Variants in PLB1 observed in about 807,000 individuals in gnomAD.
PLB1 encodes the protein phospholipase B1, membrane-associated.
PLB1 carries 242 observed loss-of-function variants against 227.4 expected under a neutral mutation model. That is an observed-to-expected ratio of 1.06 (90% CI 0.96 to 1.18). The LOEUF (loss-of-function observed/expected upper bound fraction) is 1.18. PLB1 is among the 50% of genes most tolerant of loss of function. PLB1 has a pLI of 0.00. For missense variants in PLB1, 1,858 were observed against 1,816.3 expected (o/e 1.02, Z -0.42); for synonymous variants, 757 against 682.2 (o/e 1.11, Z -1.71).
At chr2:28,585,953 C>T in intron 26 of PLB1, 111 bp downstream of exon 26, 1 of 962,928 alleles carries the variant, frequency 1.0e-6, no homozygotes, top group Non-Finnish European at 1.6e-6. Context: ...GGGGGATGAC[C>T]ACTGACTAGT....
intron 18 of PLB1, 130 bp downstream of exon 18, chr2:28,563,229 C>T: frequency 1.1e-6 from 1 of 886,190 alleles, no homozygotes; most frequent in Non-Finnish European, 1.8e-6. Context: ...GTCCTGATCT[C>T]CATCTCTCCA....
chr2:28,541,818 G>T lies in PLB1; in HGVS notation c.879+7G>T, dbSNP rs764211423. 8.1e-6 allele frequency: 13 copies of T among 1,603,634 alleles called. No homozygotes were observed. In the South Asian group the frequency reaches 1.4e-4, roughly 18 times the overall value. On this transcript the variant is annotated splice_region_variant and intron_variant, in intron 13 of 57. Transcript: ENST00000327757. Reference sequence around the variant, plus strand: ...CACCCCATCTCTACACTCGGTAAGTGGGGGCTGCATGGCGTATCAAGAGTG... The same window carrying T: ...CACCCCATCTCTACACTCGGTAAGTTGGGGCTGCATGGCGTATCAAGAGTG...
At chr2:28,614,575 A>G (rs1685928880) in intron 44 of PLB1, among the ~76,000 whole-genome samples, 1 of 152,174 alleles carries the variant, frequency 6.6e-6, no homozygotes, top group Non-Finnish European at 1.5e-5. Context: ...GAGGATTCAG[A>G]GCCCATGGTT....
chr2:28,590,062 A>G lies in PLB1; in HGVS notation c.2074A>G (p.Thr692Ala), dbSNP rs758931509. The change falls in exon 29 of 58, where the codon ACA becomes GCA. Residue 692 changes from threonine (T) to alanine (A), a missense_variant. Coordinates refer to ENST00000327757, the MANE Select transcript of PLB1 (RefSeq NM_153021.5). ...TAAGTTTGAAAACAAGATCAATATC[A>G]CATGTCCGAACCAGGTAGAGTGGAA... is the stretch of plus-strand genomic sequence containing the variant. ...RHKFENKINI[T>A]CPNQVQPFLR... 6.2e-7 allele frequency: 1 copy of G among 1,612,634 alleles called. No individual in the cohort carries two copies. The highest frequency in any genetic ancestry group is 8.5e-7 in the Non-Finnish European group (1 of 1,178,644).
At position 28,540,493 on chromosome 2, in the gene PLB1, G is replaced by A. The variant is rs370654197; in HGVS notation, c.774+52G>A. On this transcript the variant is annotated intron_variant, in intron 12 of 57. Transcript: ENST00000327757. ...GCTGGCTCACCGGGGTGGCGTGGTC[G>A]CCAAGGAGAACAGGAGTGATAGGGA... is the stretch of plus-strand genomic sequence containing the variant. 128 of 1,506,898 alleles carry A rather than the reference G, an allele frequency of 8.5e-5. No individual in the cohort carries two copies. The Middle Eastern group carries it at 1.7e-3, about 20-fold the overall frequency. The allele number at this position is 1,506,898 out of a possible 1,614,324, so 93.3% of individuals were successfully genotyped here.
rs916835024 is a variant in PLB1, at chr2:28,606,526, C to T, written c.3088C>T (p.Leu1030=). 6.2e-7 allele frequency: 1 copy of T among 1,614,210 alleles called. No homozygotes were observed. Among genetic ancestry groups the T allele is most frequent in the Non-Finnish European group, 8.5e-7 (1 of 1,180,028 alleles). ...LEPLGSKTET[L]DLRAEMPITC... ...ACCACTTGGAAGCAAAACAGAGACC[C>T]TGGACCTGAGAGCAGAGATGCCCAT... is the stretch of plus-strand genomic sequence containing the variant. Residue 1030 remains leucine (L), a synonymous_variant, in exon 43 of 58, where the codon CTG becomes TTG. Transcript: ENST00000327757.
intron 56 of PLB1, among the ~76,000 whole-genome samples, chr2:28,638,157 A>G (rs1007249331): frequency 2.0e-5 from 3 of 151,972 alleles, no homozygotes; most frequent in African/African-American, 7.3e-5. Context: ...AAAGACAGAT[A>G]ATCAACAAGG....
intron 1 of PLB1, among the ~76,000 whole-genome samples, chr2:28,497,631 A>C (rs1441089185): frequency 2.0e-5 from 3 of 152,186 alleles, no homozygotes; most frequent in Non-Finnish European, 2.9e-5. Context: ...CAGAGGCTGC[A>C]GTTTGGTTCT....
At chr2:28,549,861 G>A in intron 15 of PLB1, 149 bp from the exon 16 acceptor site, 1 of 591,158 alleles carries the variant, frequency 1.7e-6, no homozygotes, top group Non-Finnish European at 3.0e-6. Context: ...AGGGACCAGA[G>A]AGAAGAGCCA....
intron 45 of PLB1, 121 bp downstream of exon 45, chr2:28,617,908 G>A: frequency 2.0e-6 from 2 of 1,012,106 alleles, no homozygotes; most frequent in African/African-American, 1.6e-5. Context: ...CTGCAGTGCA[G>A]ACCTAGATCC....
chr2:28,572,971 C>A (rs1045917673), intron 20 of PLB1, among the ~76,000 whole-genome samples: 1 of 152,084 alleles, frequency 6.6e-6, no homozygotes, highest in African/African-American at 2.4e-5. Context: ...AGCCTGTAAC[C>A]CAGACTCACA....
At chr2:28,549,929 C>T (rs1008006501) in intron 15 of PLB1, 81 bp from the exon 16 acceptor site, 5 of 1,229,768 alleles carry the variant, frequency 4.1e-6, no homozygotes, top group East Asian at 2.4e-5. Flanking sequence ...TGGCCAAAAG[C>T]ATCACTGGAT....
At chr2:28,595,468 T>C (rs1204711591) in intron 33 of PLB1, 1 of 152,142 alleles carries the variant, frequency 6.6e-6, no homozygotes. Flanking sequence ...AGAAAATCCT[T>C]TGTATCTGAG....
At chr2:28,619,806 G>A (rs1258631627) in intron 46 of PLB1, among the ~76,000 whole-genome samples, 1 of 152,176 alleles carries the variant, frequency 6.6e-6, no homozygotes, top group South Asian at 2.1e-4. Context: ...AGATTATGGT[G>A]ACCTCAGAAG....
intron 56 of PLB1, 140 bp from the exon 57 acceptor site, chr2:28,640,786 TG>T: frequency 2.5e-6 from 2 of 788,642 alleles, no homozygotes; most frequent in Non-Finnish European, 4.1e-6. Context: ...GTCCCTGCTG[TG>T]GGCCAAAAAC....
At chr2:28,498,323 A>G (rs1244764819) in intron 1 of PLB1, among the ~76,000 whole-genome samples, 4 of 151,654 alleles carry the variant, frequency 2.6e-5, no homozygotes, top group Admixed American at 2.0e-4. Context: ...TCCCAGGCTC[A>G]AGTAATCCTC....
intron 8 of PLB1, among the ~76,000 whole-genome samples, chr2:28,530,423 T>C (rs1288932603): frequency 6.6e-6 from 1 of 152,182 alleles, no homozygotes; most frequent in Non-Finnish European, 1.5e-5. Flanking sequence ...AATGAGGTAT[T>C]GGATGTGCCT....
At chr2:28,539,336 G>A (rs987943500) in intron 11 of PLB1, among the ~76,000 whole-genome samples, 158 bp downstream of exon 11, 4 of 152,230 alleles carry the variant, frequency 2.6e-5, no homozygotes, top group African/African-American at 9.6e-5. Context: ...CGAGCGAGTG[G>A]CAGAGTCGGG....
Position 28,626,526 on chromosome 2 carries a change from C to G in PLB1, c.3660+18C>G. On this transcript the variant is annotated intron_variant, in intron 51 of 57. Transcript: ENST00000327757. ...AGAATCCGGTAGGCCCCCGACCAAC[C>G]CCATGGGGACCTGAGAAGGAAGGTG... is the stretch of plus-strand genomic sequence containing the variant. 1.2e-6 allele frequency: 2 copies of G among 1,605,862 alleles called. No individual in the cohort carries two copies. Among genetic ancestry groups the G allele is most frequent in the Non-Finnish European group, 1.7e-6 (2 of 1,172,516 alleles).
Sources: allele counts gnomAD v4.1 joint callset (sites outside exome capture counted in the v4.1 genomes callset), GRCh38; gene constraint gnomAD v4.1.1; transcripts MANE v1.5; gene names NCBI Gene and HGNC (gene_info 2026-07-23, HGNC 2026-07-21).